Variants in KCNH5 observed in about 807,000 individuals in gnomAD.
KCNH5 encodes the protein voltage-gated delayed rectifier potassium channel KCNH5.
KCNH5 carries 46 observed loss-of-function variants against 96.1 expected under a neutral mutation model. The ratio of observed to expected loss-of-function variants is 0.48; its 90% CI spans 0.38 to 0.61. The LOEUF (loss-of-function observed/expected upper bound fraction) is 0.61, where lower values mean the gene tolerates loss of function less well. Among genes scored for constraint, KCNH5 ranks in the 20% least tolerant of loss-of-function variants. The pLI is 0.00. For missense variants in KCNH5, 907 were observed against 1,225.8 expected, an observed-to-expected ratio of 0.74 and a Z score of 3.88; for synonymous variants, 439 against 449.8, an observed-to-expected ratio of 0.98 and a Z score of 0.30.
rs1339443522 is a variant in KCNH5, at chr14:62,945,399, G to A, written c.1369+4734C>T. ...GCATTTTGCTGGCACGTACTTGATC[G>A]TAGATCTAACTGGGATGGATTCAAG... is the stretch of plus-strand genomic sequence containing the variant. On this transcript the variant is annotated intron_variant, in intron 7 of 10. Coordinates refer to ENST00000322893, the MANE Select transcript of KCNH5 (RefSeq NM_139318.5). Among the ~76,000 whole-genome samples the A allele has an allele frequency of 3.9e-5, 6 of 152,162 alleles. 1 individual carries two copies. The highest frequency in any genetic ancestry group is 6.3e-3 in the Middle Eastern group (2 of 316).
At chr14:62,918,232 A>T (rs1217558080) in intron 7 of KCNH5, among the ~76,000 whole-genome samples, 3 of 152,176 alleles carry the variant, frequency 2.0e-5, no homozygotes, top group Non-Finnish European at 4.4e-5. Flanking sequence ...ACTGACATAT[A>T]AGTGTTGGTT....
At chr14:62,777,903 G>A (rs897245189) in intron 10 of KCNH5, among the ~76,000 whole-genome samples, 4 of 152,056 alleles carry the variant, frequency 2.6e-5, no homozygotes, top group Non-Finnish European at 5.9e-5. Flanking sequence ...GGTGACAGAT[G>A]TTCTACTGGT....
intron 8 of KCNH5, among the ~76,000 whole-genome samples, chr14:62,808,984 T>C (rs766814581): frequency 7.9e-5 from 12 of 152,100 alleles, no homozygotes; most frequent in Non-Finnish European, 1.5e-4. Flanking sequence ...AGAACTCTCA[T>C]GAAGAGCTGG....
chr14:62,878,792 C>G lies in KCNH5; in HGVS notation c.1370-28940G>C, dbSNP rs118073028. ...AAGATGTCAGCAGGGTTGGTTTCTT[C>G]TGGGGCCTCTGTCCTTGCCTATAGA... On this transcript the variant is annotated intron_variant, in intron 7 of 10. Coordinates refer to ENST00000322893, the MANE Select transcript of KCNH5 (RefSeq NM_139318.5). Among the ~76,000 whole-genome samples, 6 of 152,208 alleles carry G rather than the reference C, an allele frequency of 3.9e-5. No homozygotes were observed. In the East Asian group the frequency reaches 1.2e-3, roughly 29 times the overall value.
intron 9 of KCNH5, among the ~76,000 whole-genome samples, chr14:62,797,711 C>A (rs1055887821): frequency 1.3e-5 from 2 of 150,198 alleles, no homozygotes; most frequent in Admixed American, 1.3e-4. Context: ...ATAATGCACA[C>A]GTTTATAATT....
intron 7 of KCNH5, among the ~76,000 whole-genome samples, chr14:62,912,583 T>G (rs1277104887): frequency 1.3e-5 from 2 of 152,082 alleles, no homozygotes; most frequent in African/African-American, 4.8e-5. Flanking sequence ...TTTTTTGTAT[T>G]TTTAGTAGAG....
chr14:62,786,387 T>C (rs1365928317), intron 9 of KCNH5, among the ~76,000 whole-genome samples: 1 of 152,130 alleles, frequency 6.6e-6, no homozygotes, highest in Non-Finnish European at 1.5e-5. Context: ...CTTCACTTCT[T>C]TTTTTAGTAA....
intron 8 of KCNH5, 83 bp from the exon 9 acceptor site, chr14:62,802,664 T>C: frequency 6.8e-7 from 1 of 1,468,602 alleles, no homozygotes; most frequent in South Asian, 1.3e-5. Context: ...AAATATTTAT[T>C]GACTATGACT....
intron 10 of KCNH5, among the ~76,000 whole-genome samples, chr14:62,766,458 A>C (rs1214706273): frequency 6.6e-6 from 1 of 152,154 alleles, no homozygotes. Context: ...TGCATAAAGA[A>C]AACGTGGTAT....
chr14:62,801,310 C>T (rs1886654276), intron 9 of KCNH5, among the ~76,000 whole-genome samples: 1 of 149,680 alleles, frequency 6.7e-6, no homozygotes, highest in Non-Finnish European at 1.5e-5. Context: ...TTTCATGAGA[C>T]ACAAGCCATG....
At chr14:62,955,676 A>G (rs916418314) in intron 6 of KCNH5, among the ~76,000 whole-genome samples, 1 of 152,146 alleles carries the variant, frequency 6.6e-6, no homozygotes, top group Non-Finnish European at 1.5e-5. Flanking sequence ...CATTCTCTAC[A>G]TGACTGAATA....
rs1884397386 is a variant in KCNH5 at position 62,704,639 on chromosome 14, A to G, written c.*2869T>C. On this transcript the variant is annotated 3_prime_UTR_variant, in exon 11 of 11. Transcript: ENST00000322893. The stretch of plus-strand genomic sequence containing the variant: ...TGAAGGTGTGTAAATTGCTTTGGAA[A>G]ATGTTTGGATTTCTAATACATATCC... 6.6e-6 allele frequency: 1 copy of G among 151,980 alleles called. No homozygotes were observed. The highest frequency in any genetic ancestry group is 1.9e-4 in the East Asian group (1 of 5,178). The allele number at this position is 151,980 out of a possible 1,614,324, so 9.4% of individuals were successfully genotyped here.
At chr14:62,768,170 C>T (rs1020072843) in intron 10 of KCNH5, among the ~76,000 whole-genome samples, 1 of 151,966 alleles carries the variant, frequency 6.6e-6, no homozygotes, top group African/African-American at 2.4e-5. Context: ...GCCATATACT[C>T]ATATAACAAA....
chr14:62,825,084 T>C (rs1302987881), intron 8 of KCNH5, among the ~76,000 whole-genome samples: 4 of 152,120 alleles, frequency 2.6e-5, no homozygotes, highest in Non-Finnish European at 5.9e-5. Flanking sequence ...GTACGTGTCT[T>C]TTCAGTAGAA....
At chr14:62,835,822 T>G (rs952349391) in intron 8 of KCNH5, among the ~76,000 whole-genome samples, 6 of 151,758 alleles carry the variant, frequency 4.0e-5, no homozygotes, top group African/African-American at 7.3e-5. Context: ...CTTGTTTTGG[T>G]TTTTTTTGTT....
intron 7 of KCNH5, among the ~76,000 whole-genome samples, chr14:62,947,808 T>A (rs1219033424): frequency 6.6e-6 from 1 of 151,316 alleles, no homozygotes; most frequent in Non-Finnish European, 1.5e-5. Flanking sequence ...GTACAATCTT[T>A]TTTATTTATT....
chr14:62,972,151 C>T (rs1890421079), intron 6 of KCNH5, among the ~76,000 whole-genome samples: 1 of 151,976 alleles, frequency 6.6e-6, no homozygotes, highest in South Asian at 2.1e-4. Flanking sequence ...CTTAAAACAA[C>T]AATTAAAAAA....
intron 7 of KCNH5, among the ~76,000 whole-genome samples, chr14:62,855,957 G>A (rs780665394): frequency 1.3e-4 from 20 of 152,058 alleles, no homozygotes; most frequent in Non-Finnish European, 2.9e-5. Context: ...CCACCCTCCA[G>A]TAGTATCCAC....
chr14:62,993,576 T>C (rs1890853119), intron 4 of KCNH5, among the ~76,000 whole-genome samples: 1 of 152,080 alleles, frequency 6.6e-6, no homozygotes, highest in Non-Finnish European at 1.5e-5. Context: ...AAGTAGATTC[T>C]AAATTTTTGC....
Sources: gnomAD v4.1 joint callset for allele counts (sites outside exome capture counted in the v4.1 genomes callset) on GRCh38, gnomAD v4.1.1 for gene constraint, MANE v1.5 for transcripts, NCBI Gene and HGNC (gene_info 2026-07-23, HGNC 2026-07-21) for gene names.